Variants in ANXA2 observed in about 807,000 individuals in gnomAD.
The protein encoded by ANXA2 is annexin II.
In ANXA2, 28 loss-of-function variants were observed where a neutral mutation model predicts 47.3. That is an observed-to-expected ratio of 0.59 (90% CI 0.44 to 0.81). The LOEUF is 0.81. Ranked by LOEUF, ANXA2 falls within the 40% of genes least tolerant of loss-of-function variation. The pLI is 0.00. For missense variants in ANXA2, 384 were observed against 414.3 expected, an observed-to-expected ratio of 0.93 and a Z score of 0.64; for synonymous variants, 172 against 155.5, an observed-to-expected ratio of 1.11 and a Z score of -0.79.
rs2063105830 is a variant in ANXA2 at position 60,397,978 on chromosome 15, A to T, written c.-47T>A. ...CGCCGAGAGCTGAGAGCGTCCCCAA[A>T]TGCTGAGCAGAGCCGGCTGGCCTGG... On this transcript the variant is annotated 5_prime_UTR_variant, in exon 1 of 13. Transcript: ENST00000451270. 1 of 1,213,672 alleles carries T rather than the reference A, an allele frequency of 8.2e-7. No homozygotes were observed. The highest frequency in any genetic ancestry group is 3.2e-5 in the East Asian group (1 of 31,044). 75.2% of individuals were successfully genotyped at this position (1,213,672 alleles called of 1,614,324 possible).
At chr15:60,361,502 G>C (rs1394189765) in intron 4 of ANXA2, 1 of 162,222 alleles carries the variant, frequency 6.2e-6, no homozygotes, top group African/African-American at 2.4e-5. Context: ...AAAGACGTGG[G>C]GGCAGCCATT....
At chr15:60,387,644 G>A (rs1383351633) in intron 1 of ANXA2, among the ~76,000 whole-genome samples, 1 of 152,170 alleles carries the variant, frequency 6.6e-6, no homozygotes, top group Non-Finnish European at 1.5e-5. Context: ...GGATTATTAA[G>A]GCAATGAAAT....
chr15:60,385,346 T>A (rs1283805100), intron 2 of ANXA2, among the ~76,000 whole-genome samples: 2 of 152,194 alleles, frequency 1.3e-5, no homozygotes, highest in African/African-American at 2.4e-5. Flanking sequence ...GGCAGGCAGA[T>A]CACGAAGTCA....
chr15:60,386,031 A>T lies in ANXA2; in HGVS notation c.45T>A (p.Gly15=), dbSNP rs1028382807. ...HEILCKLSLE[G]DHSTPPSAYG... is the part of the protein sequence containing the mutation. ...AAAGTGAAAGTGATATACTTACATCACCCTCCAAGCTGAGCTTGCACAGGA... is the reference window on the plus strand; with the variant it reads ...AAAGTGAAAGTGATATACTTACATCTCCCTCCAAGCTGAGCTTGCACAGGA... Residue 15 remains glycine, a synonymous_variant, in exon 2 of 13, where the codon GGT becomes GGA. Transcript: ENST00000451270. 6.2e-7 allele frequency: 1 copy of T among 1,610,448 alleles called. No homozygotes were observed. Among genetic ancestry groups the T allele is most frequent in the Admixed American group, 1.7e-5 (1 of 59,406 alleles).
chr15:60,364,399 A>C, intron 4 of ANXA2, 30 bp downstream of exon 4: 1 of 1,569,584 alleles, frequency 6.4e-7, no homozygotes, highest in Non-Finnish European at 8.7e-7. Flanking sequence ...TTCAACAAGA[A>C]ATGCCCTCCA....
intron 3 of ANXA2, among the ~76,000 whole-genome samples, chr15:60,376,257 C>T (rs987733888): frequency 6.6e-6 from 1 of 152,140 alleles, no homozygotes; most frequent in Non-Finnish European, 1.5e-5. Context: ...TGGCACATGC[C>T]TGTAATCCCA....
At chr15:60,382,100 G>A (rs1442921387) in intron 3 of ANXA2, among the ~76,000 whole-genome samples, 1 of 150,948 alleles carries the variant, frequency 6.6e-6, no homozygotes, top group East Asian at 1.9e-4. Flanking sequence ...GAAGAAGGGA[G>A]AAAGAGAAAG....
At chr15:60,391,513 C>G (rs1320361844) in intron 1 of ANXA2, among the ~76,000 whole-genome samples, 3 of 152,128 alleles carry the variant, frequency 2.0e-5, no homozygotes, top group Non-Finnish European at 4.4e-5. Flanking sequence ...AAATATAAGT[C>G]TCTGAATGGT....
chr15:60,350,237 G>T (rs1201425313), intron 11 of ANXA2, among the ~76,000 whole-genome samples: 1 of 151,964 alleles, frequency 6.6e-6, no homozygotes, highest in African/African-American at 2.4e-5. Context: ...AGAGCATCTG[G>T]GAATTCCAAA....
chr15:60,385,660 G>T (rs11858787), intron 2 of ANXA2: 134,582 of 172,562 alleles, frequency 0.78, 53,484 homozygotes, highest in East Asian at 1. Context: ...TGCAGAATTA[G>T]TTTTGATATG....
chr15:60,357,497 T>TA (rs113093016), intron 5 of ANXA2, among the ~76,000 whole-genome samples: 58 of 152,070 alleles, frequency 3.8e-4, no homozygotes, highest in African/African-American at 8.2e-4. Context: ...TTTTTTTTTT[T>TA]AAGTAGTGAA....
chr15:60,351,594 G>T, intron 10 of ANXA2, 130 bp downstream of exon 10: 1 of 696,302 alleles, frequency 1.4e-6, no homozygotes, highest in South Asian at 1.8e-5. Flanking sequence ...ATACAATTAA[G>T]ACTGTAAAAC....
rs1303718173 is a variant in ANXA2, at chr15:60,351,440, A to C, written c.779-189T>G. ...ATACTAAGTTCCACCACGGTTTTAA[A>C]CCAGGGGTCTCTGAGGCCTGCAGAA... On this transcript the variant is annotated intron_variant, in intron 10 of 12. Coordinates refer to ENST00000451270, the MANE Select transcript of ANXA2 (RefSeq NM_004039.3). The C allele has an allele frequency of 4.6e-6, 3 of 656,402 alleles. No homozygotes were observed. In the East Asian group the frequency reaches 8.2e-5, roughly 18 times the overall value. 40.7% of individuals were successfully genotyped at this position (656,402 alleles called of 1,614,324 possible).
At chr15:60,357,995 A>C (rs1407070199) in intron 5 of ANXA2, among the ~76,000 whole-genome samples, 1 of 152,246 alleles carries the variant, frequency 6.6e-6, no homozygotes, top group Admixed American at 6.5e-5. Context: ...AGGAATACAG[A>C]AATTTTATGT....
At chr15:60,393,135 C>T (rs1210976413) in intron 1 of ANXA2, 16 of 1,281,438 alleles carry the variant, frequency 1.2e-5, no homozygotes, top group Non-Finnish European at 1.5e-5. Context: ...GGAATTCGGC[C>T]CAGTGACCTC....
chr15:60,382,108 A>G (rs988890938), intron 3 of ANXA2, among the ~76,000 whole-genome samples: 1 of 150,478 alleles, frequency 6.6e-6, no homozygotes, highest in Admixed American at 6.6e-5. Flanking sequence ...GAGAAAGAGA[A>G]AGAGGGAGAG....
chr15:60,351,268 G>C lies in ANXA2; in HGVS notation c.779-17C>G. On this transcript the variant is annotated splice_polypyrimidine_tract_variant and intron_variant, in intron 10 of 12. Transcript: ENST00000451270. ...TGCACTGAACTGTGGAGAGAAGAAA[G>C]GGAGTCAGCGCTGCAGCTGCTCTGG... 1 of 1,613,976 alleles carries C rather than the reference G, an allele frequency of 6.2e-7. No individual in the cohort carries two copies. The highest frequency in any genetic ancestry group is 1.3e-5 in the African/African-American group (1 of 75,056).
chr15:60,374,250 A>G (rs536731033), intron 3 of ANXA2, among the ~76,000 whole-genome samples: 1 of 152,352 alleles, frequency 6.6e-6, no homozygotes, highest in East Asian at 1.9e-4. Context: ...ATGCAGAATT[A>G]TATTTCTGAA....
At chr15:60,363,210 G>A (rs2062544422) in intron 4 of ANXA2, among the ~76,000 whole-genome samples, 1 of 152,062 alleles carries the variant, frequency 6.6e-6, no homozygotes, top group Non-Finnish European at 1.5e-5. Flanking sequence ...AGACCCCTTT[G>A]GGAAGCTGCA....
Sources: allele counts gnomAD v4.1 joint callset (sites outside exome capture counted in the v4.1 genomes callset), GRCh38; gene constraint gnomAD v4.1.1; transcripts MANE v1.5; gene names NCBI Gene and HGNC (gene_info 2026-07-23, HGNC 2026-07-21).